Variants in MARCHF3 observed in about 807,000 individuals in gnomAD.
The protein encoded by MARCHF3 is membrane associated ring-CH-type finger 3.
Under a neutral mutation model 24.2 loss-of-function variants are expected in MARCHF3, and 13 were observed. The ratio of observed to expected loss-of-function variants is 0.54; its 90% CI spans 0.35 to 0.85. The LOEUF is 0.85. Ranked by LOEUF, MARCHF3 falls within the 40% of genes least tolerant of loss-of-function variation. The pLI is 0.01. For missense variants in MARCHF3, 276 were observed against 325.0 expected (o/e 0.85, Z 1.16); for synonymous variants, 144 against 137.3 (o/e 1.05, Z -0.34).
intron 1 of MARCHF3, among the ~76,000 whole-genome samples, chr5:126,972,187 C>T (rs188093324): frequency 2.0e-5 from 3 of 146,850 alleles, no homozygotes; most frequent in Admixed American, 6.9e-5. Context: ...AGGAGTACAA[C>T]GAGTGGGATT....
chr5:126,901,768 C>G (rs753742617), intron 3 of MARCHF3, among the ~76,000 whole-genome samples: 1 of 152,070 alleles, frequency 6.6e-6, no homozygotes, highest in Non-Finnish European at 1.5e-5. Flanking sequence ...CCCTTCAGCT[C>G]AACCAGGTGC....
rs1270191683 is a variant in MARCHF3, at chr5:126,962,820, TGTGTGTGTGTGTGC to T, written c.-56-44607_-56-44594del. Among the ~76,000 whole-genome samples, 29 of 92,900 alleles carry T rather than the reference TGTGTGTGTGTGTGC, an allele frequency of 3.1e-4. No individual in the cohort carries two copies. In the South Asian group the frequency reaches 0.011, roughly 36 times the overall value. The allele number at this position is 92,900 out of a possible 152,430, so 60.9% of individuals were successfully genotyped here. On this transcript the variant is annotated intron_variant, in intron 1 of 4. Coordinates refer to ENST00000308660, the MANE Select transcript of MARCHF3 (RefSeq NM_178450.5). ...GAATATGGAATACTCAACCTGTGTG[TGTGTGTGTGTGTGC>T]GTGTGTGTGTGTGTGTGTGTGTGTA...
chr5:127,019,027 AAT>A (rs1752714059), intron 1 of MARCHF3, among the ~76,000 whole-genome samples: 2 of 152,258 alleles, frequency 1.3e-5, no homozygotes, highest in African/African-American at 4.8e-5. Context: ...ATATGCCAGA[AAT>A]ATAGAATTAT....
intron 1 of MARCHF3, among the ~76,000 whole-genome samples, chr5:126,926,969 T>A (rs1749317343): frequency 6.6e-6 from 1 of 152,126 alleles, no homozygotes; most frequent in Non-Finnish European, 1.5e-5. Context: ...TCATTACCCC[T>A]GCCCCCATCT....
intron 1 of MARCHF3, among the ~76,000 whole-genome samples, chr5:126,974,982 G>T (rs920925722): frequency 2.0e-5 from 3 of 152,092 alleles, no homozygotes; most frequent in Admixed American, 6.5e-5. Flanking sequence ...TATTGAGATG[G>T]AGTCTCGCTC....
chr5:126,963,448 G>GA lies in MARCHF3; in HGVS notation c.-56-45222dup, dbSNP rs893827846. Among the ~76,000 whole-genome samples, 39 of 151,868 alleles carry GA rather than the reference G, an allele frequency of 2.6e-4. No homozygotes were observed. In the Middle Eastern group the frequency reaches 0.017, roughly 66 times the overall value. ...CTTAAACAGTCAACATTTTCAAGGAGAAAAAAATCATTAAAACGTTAGTGT... is the reference window on the plus strand; with the variant it reads ...CTTAAACAGTCAACATTTTCAAGGAGAAAAAAAATCATTAAAACGTTAGTGT... On this transcript the variant is annotated intron_variant, in intron 1 of 4. Coordinates refer to ENST00000308660, the MANE Select transcript of MARCHF3 (RefSeq NM_178450.5).
At chr5:126,963,717 G>A (rs1750718962) in intron 1 of MARCHF3, among the ~76,000 whole-genome samples, 1 of 152,132 alleles carries the variant, frequency 6.6e-6, no homozygotes, top group Non-Finnish European at 1.5e-5. Flanking sequence ...CTGAAAAAGA[G>A]CAAGTAGAGG....
chr5:126,996,822 G>A (rs567708903), intron 1 of MARCHF3, among the ~76,000 whole-genome samples: 95 of 152,192 alleles, frequency 6.2e-4, no homozygotes, highest in Non-Finnish European at 9.9e-4. Context: ...AAATAAGCGT[G>A]AAGAGATAGA....
Position 126,868,610 on chromosome 5 carries a change from A to G in MARCHF3, c.*2023T>C, listed in dbSNP as rs1428613486. ...CTGCAGCCAACCTTGACAGGAAATCATCCTGGAAATCCGCTGCTTCCTTAA... is the reference window on the plus strand; with the variant it reads ...CTGCAGCCAACCTTGACAGGAAATCGTCCTGGAAATCCGCTGCTTCCTTAA... On this transcript the variant is annotated 3_prime_UTR_variant, in exon 5 of 5. Coordinates refer to ENST00000308660, the MANE Select transcript of MARCHF3 (RefSeq NM_178450.5). The G allele has an allele frequency of 6.6e-6, 1 of 152,216 alleles. No individual in the cohort carries two copies. The highest frequency in any genetic ancestry group is 1.5e-5 in the Non-Finnish European group (1 of 68,048). 9.4% of individuals were successfully genotyped at this position (152,216 alleles called of 1,614,324 possible). A position where few individuals can be genotyped will look rare whatever the true frequency, so the allele number is the denominator to read the frequency against.
intron 1 of MARCHF3, among the ~76,000 whole-genome samples, chr5:126,972,092 C>G (rs1751035406): frequency 6.6e-6 from 1 of 151,782 alleles, no homozygotes; most frequent in Non-Finnish European, 1.5e-5. Context: ...TTTTCTTTTC[C>G]AAGACCAAAA....
chr5:126,991,392 C>G (rs1483460862), intron 1 of MARCHF3, among the ~76,000 whole-genome samples: 3 of 151,910 alleles, frequency 2.0e-5, no homozygotes, highest in African/African-American at 4.8e-5. Context: ...ACACCGGGGC[C>G]TGTTAGGGGG....
At chr5:126,982,024 C>T (rs1323016410) in intron 1 of MARCHF3, among the ~76,000 whole-genome samples, 2 of 152,154 alleles carry the variant, frequency 1.3e-5, no homozygotes, top group African/African-American at 4.8e-5. Context: ...ATAGATTGTG[C>T]CTTTCTAAGC....
chr5:126,906,664 T>A (rs1393302083), intron 3 of MARCHF3, among the ~76,000 whole-genome samples: 3 of 152,166 alleles, frequency 2.0e-5, no homozygotes, highest in African/African-American at 7.2e-5. Flanking sequence ...AGTGGTGATA[T>A]CCCCTTTATC....
chr5:126,975,051 G>T (rs561313382), intron 1 of MARCHF3, among the ~76,000 whole-genome samples: 1 of 152,186 alleles, frequency 6.6e-6, no homozygotes, highest in Admixed American at 6.5e-5. Context: ...CCGCCTCCCA[G>T]GTTCAAGTGA....
chr5:126,905,479 C>G (rs2126785814), intron 3 of MARCHF3, among the ~76,000 whole-genome samples: 1 of 150,336 alleles, frequency 6.7e-6, no homozygotes, highest in East Asian at 2.0e-4. Flanking sequence ...TTTGTATCCT[C>G]TTTTATTTCC....
chr5:127,003,859 C>T (rs910365021), intron 1 of MARCHF3, among the ~76,000 whole-genome samples: 5 of 152,188 alleles, frequency 3.3e-5, no homozygotes, highest in African/African-American at 1.2e-4. Context: ...CATTTGCACA[C>T]ACATGTGCAC....
At chr5:126,897,494 T>C (rs938176827) in intron 3 of MARCHF3, among the ~76,000 whole-genome samples, 3 of 151,938 alleles carry the variant, frequency 2.0e-5, no homozygotes, top group Non-Finnish European at 2.9e-5. Flanking sequence ...TTAGATAACA[T>C]AGGACAACAG....
chr5:127,008,538 G>A (rs1752379106), intron 1 of MARCHF3, among the ~76,000 whole-genome samples: 2 of 152,242 alleles, frequency 1.3e-5, no homozygotes, highest in Non-Finnish European at 2.9e-5. Context: ...CTTAACAGCT[G>A]CAAATGGGAG....
chr5:127,012,610 CAG>C, intron 1 of MARCHF3, among the ~76,000 whole-genome samples: 1 of 152,022 alleles, frequency 6.6e-6, no homozygotes, highest in Non-Finnish European at 1.5e-5. Context: ...CACAAAAAGA[CAG>C]AGACACAGGA....
Sources: gnomAD v4.1 joint callset for allele counts (sites outside exome capture counted in the v4.1 genomes callset) on GRCh38, gnomAD v4.1.1 for gene constraint, MANE v1.5 for transcripts, NCBI Gene and HGNC (gene_info 2026-07-23, HGNC 2026-07-21) for gene names.